TASP1: variants seen among roughly 807,000 people sequenced by gnomAD.
TASP1 encodes threonine aspartase 1.
Under a neutral mutation model 56.6 loss-of-function variants are expected in TASP1, and 16 were observed. The observed-to-expected ratio is 0.28, with a 90% CI of 0.19 to 0.43. The LOEUF is 0.43. TASP1 is among the 20% of genes least tolerant of loss of function. TASP1 has a pLI of 1.00. For missense variants in TASP1, 393 were observed against 511.6 expected, an observed-to-expected ratio of 0.77 and a Z score of 2.24; for synonymous variants, 179 against 184.2, an observed-to-expected ratio of 0.97 and a Z score of 0.23.
chr20:13,347,956 G>C, the TASP1 span, among the ~76,000 whole-genome samples: 1 of 152,122 alleles, frequency 6.6e-6, no homozygotes, highest in Non-Finnish European at 1.5e-5. Flanking sequence ...CAACAATTCA[G>C]TCACCTGAAT....
At chr20:13,314,492 G>C in the TASP1 span, among the ~76,000 whole-genome samples, 1 of 151,452 alleles carries the variant, frequency 6.6e-6, no homozygotes, top group African/African-American at 2.4e-5. Flanking sequence ...TATTGAGAGA[G>C]AGAAAAAAAA....
At chr20:13,605,519 A>T (rs975534137) in intron 4 of TASP1, among the ~76,000 whole-genome samples, 5 of 151,518 alleles carry the variant, frequency 3.3e-5, no homozygotes, top group Middle Eastern at 3.4e-3. Flanking sequence ...CTCTCCAAAA[A>T]TTTTTTTTTA....
chr20:13,148,033 C>CT, the TASP1 span, among the ~76,000 whole-genome samples: 13 of 152,206 alleles, frequency 8.5e-5, no homozygotes, highest in Admixed American at 3.3e-4. Context: ...AATGCATTCT[C>CT]TTTTTTTGCA....
the TASP1 span, among the ~76,000 whole-genome samples, chr20:13,162,308 A>T: frequency 4.6e-5 from 7 of 152,252 alleles, no homozygotes; most frequent in African/African-American, 1.7e-4. Context: ...ATGAATTTGT[A>T]ATTTTGTGCT....
chr20:13,577,207 T>C (rs2046956241), intron 6 of TASP1, among the ~76,000 whole-genome samples: 1 of 152,168 alleles, frequency 6.6e-6, no homozygotes, highest in South Asian at 2.1e-4. Flanking sequence ...TTAAATGTTA[T>C]ATTACTCCTG....
intron 10 of TASP1, among the ~76,000 whole-genome samples, chr20:13,514,184 T>C (rs1208406857): frequency 1.3e-5 from 2 of 152,142 alleles, no homozygotes; most frequent in East Asian, 3.9e-4. Context: ...CTACATCATC[T>C]TAGCAGATTT....
chr20:13,361,922 C>G, the TASP1 span, among the ~76,000 whole-genome samples: 1 of 152,080 alleles, frequency 6.6e-6, no homozygotes, highest in Non-Finnish European at 1.5e-5. Flanking sequence ...GTTCTTAGAC[C>G]TTTTACACCT....
chr20:13,569,701 T>C, intron 6 of TASP1, 115 bp from the exon 7 acceptor site: 1 of 816,410 alleles, frequency 1.2e-6, no homozygotes. Flanking sequence ...TGGACATAAT[T>C]CCAGATTTAC....
the TASP1 span, among the ~76,000 whole-genome samples, chr20:13,204,780 T>G: frequency 6.6e-6 from 1 of 152,164 alleles, no homozygotes; most frequent in South Asian, 2.1e-4. Context: ...AAGACAGAAT[T>G]GGGGCCAAGA....
intron 6 of TASP1, among the ~76,000 whole-genome samples, chr20:13,570,720 A>G (rs779327050): frequency 3.9e-5 from 6 of 152,170 alleles, no homozygotes; most frequent in Non-Finnish European, 7.4e-5. Context: ...AAAATTCTAA[A>G]GGATTCTAAG....
the TASP1 span, among the ~76,000 whole-genome samples, chr20:13,120,585 G>A: frequency 6.6e-6 from 1 of 152,140 alleles, no homozygotes; most frequent in African/African-American, 2.4e-5. Flanking sequence ...ACAGTGTCTA[G>A]GAGGTTCTGG....
intron 8 of TASP1, among the ~76,000 whole-genome samples, chr20:13,534,769 A>C (rs780332261): frequency 3.9e-5 from 6 of 152,102 alleles, no homozygotes; most frequent in Non-Finnish European, 8.8e-5. Flanking sequence ...TTGTGTTTCA[A>C]TGTTTTGTCC....
chr20:13,394,697 A>T (rs140565971), intron 13 of TASP1, among the ~76,000 whole-genome samples: 2 of 152,236 alleles, frequency 1.3e-5, no homozygotes, highest in Admixed American at 1.3e-4. Context: ...GTTAGAATAG[A>T]GATGGAGCTT....
chr20:13,367,403 C>G, the TASP1 span, among the ~76,000 whole-genome samples: 1 of 152,190 alleles, frequency 6.6e-6, no homozygotes, highest in Non-Finnish European at 1.5e-5. Flanking sequence ...CCCCCTTGGC[C>G]ATCATTAAGA....
At chr20:13,253,917 T>C in the TASP1 span, among the ~76,000 whole-genome samples, 1 of 151,514 alleles carries the variant, frequency 6.6e-6, no homozygotes, top group Non-Finnish European at 1.5e-5. Context: ...AAAAACACAC[T>C]TATAAATGTG....
the TASP1 span, among the ~76,000 whole-genome samples, chr20:13,247,946 C>A: frequency 6.6e-6 from 1 of 152,096 alleles, no homozygotes. Flanking sequence ...AATCCCTTGC[C>A]TTTGTGGGTC....
intron 4 of TASP1, among the ~76,000 whole-genome samples, chr20:13,592,290 G>A (rs376186634): frequency 1.6e-4 from 25 of 151,936 alleles, no homozygotes; most frequent in East Asian, 1.2e-3. Flanking sequence ...CCAGCTACTC[G>A]GGAGGCTGAG....
At chr20:13,622,295 C>T (rs1275035628) in intron 4 of TASP1, among the ~76,000 whole-genome samples, 2 of 152,180 alleles carry the variant, frequency 1.3e-5, no homozygotes, top group Non-Finnish European at 2.9e-5. Context: ...GACTGTGCCA[C>T]ACCCACGGAC....
intron 13 of TASP1, among the ~76,000 whole-genome samples, chr20:13,397,933 A>T (rs903680149): frequency 2.6e-5 from 4 of 152,110 alleles, no homozygotes; most frequent in Non-Finnish European, 5.9e-5. Context: ...GCCCAAGGGA[A>T]CTGTCTTTTC....
Sources: allele counts gnomAD v4.1 joint callset (sites outside exome capture counted in the v4.1 genomes callset), GRCh38; gene constraint gnomAD v4.1.1; transcripts MANE v1.5; gene names NCBI Gene and HGNC (gene_info 2026-07-23, HGNC 2026-07-21).